The following PITPNC1 variants were observed in gnomAD, a reference collection of about 807,000 sequenced individuals.
The protein encoded by PITPNC1 is cytoplasmic phosphatidylinositol transfer protein 1.
A neutral mutation model predicts 44.7 loss-of-function variants in PITPNC1; 18 were observed. That is an observed-to-expected ratio of 0.40 (90% CI 0.28 to 0.60). The LOEUF (loss-of-function observed/expected upper bound fraction) is 0.60, where lower values mean the gene tolerates loss of function less well. Among genes scored for constraint, PITPNC1 ranks in the 20% least tolerant of loss-of-function variants. The pLI is 0.39. For missense variants in PITPNC1, 290 were observed against 418.4 expected, an observed-to-expected ratio of 0.69 and a Z score of 2.68; for synonymous variants, 141 against 149.6, an observed-to-expected ratio of 0.94 and a Z score of 0.42.
chr17:67,514,200 T>C (rs1193976127), intron 1 of PITPNC1, among the ~76,000 whole-genome samples: 1 of 151,922 alleles, frequency 6.6e-6, no homozygotes, highest in Non-Finnish European at 1.5e-5. Context: ...TTTTTGTTTT[T>C]GTTTTTGTTT....
intron 1 of PITPNC1, among the ~76,000 whole-genome samples, chr17:67,484,609 A>G (rs1219825138): frequency 6.6e-6 from 1 of 152,150 alleles, no homozygotes; most frequent in Non-Finnish European, 1.5e-5. Context: ...GAAAATATTT[A>G]TCCAATCCCC....
intron 6 of PITPNC1, among the ~76,000 whole-genome samples, chr17:67,666,524 C>G (rs1478432151): frequency 6.6e-6 from 1 of 152,196 alleles, no homozygotes; most frequent in Non-Finnish European, 1.5e-5. Flanking sequence ...CATCAAAGGC[C>G]TTGTACCTCC....
intron 5 of PITPNC1, among the ~76,000 whole-genome samples, chr17:67,599,001 CATATATATATATATATATATAT>C (rs1172990089): frequency 8.9e-5 from 4 of 45,154 alleles, no homozygotes; most frequent in African/African-American, 2.1e-4. Flanking sequence ...ATAAGAAATA[CATATATATATATATATATATAT>C]ATATATATAT....
intron 1 of PITPNC1, among the ~76,000 whole-genome samples, chr17:67,466,032 CCT>C (rs1417920116): frequency 1.3e-5 from 2 of 151,402 alleles, no homozygotes; most frequent in African/African-American, 2.4e-5. Context: ...ACAGAGTCTC[CCT>C]CTGTCACCCA....
chr17:67,435,108 CAAAAAAAAA>C (rs555005702), intron 1 of PITPNC1, among the ~76,000 whole-genome samples: 1 of 76,678 alleles, frequency 1.3e-5, no homozygotes, highest in African/African-American at 4.6e-5. Context: ...GACTCCATCT[CAAAAAAAAA>C]AAAAAAAAAA....
intron 1 of PITPNC1, among the ~76,000 whole-genome samples, chr17:67,435,361 T>C (rs1456544098): frequency 6.6e-6 from 1 of 152,174 alleles, no homozygotes. Context: ...CCGGGGCCAT[T>C]GTAGGCATTT....
chr17:67,406,088 ATT>A (rs1389482716), intron 1 of PITPNC1, among the ~76,000 whole-genome samples: 1 of 152,146 alleles, frequency 6.6e-6, no homozygotes, highest in Non-Finnish European at 1.5e-5. Flanking sequence ...TTTTTAGTAT[ATT>A]CTTAAGGTTA....
At chr17:67,461,946 C>A (rs2039343842) in intron 1 of PITPNC1, among the ~76,000 whole-genome samples, 1 of 152,182 alleles carries the variant, frequency 6.6e-6, no homozygotes, top group Non-Finnish European at 1.5e-5. Context: ...AACTATGGAG[C>A]TCCACAGCCA....
At chr17:67,551,877 C>G (rs2040768554) in intron 2 of PITPNC1, among the ~76,000 whole-genome samples, 1 of 152,166 alleles carries the variant, frequency 6.6e-6, no homozygotes. Context: ...AGCTTCCTCT[C>G]CCTGCCAGTG....
At chr17:67,641,102 G>A (rs139725972) in intron 6 of PITPNC1, among the ~76,000 whole-genome samples, 11 of 152,302 alleles carry the variant, frequency 7.2e-5, no homozygotes, top group Non-Finnish European at 1.5e-4. Context: ...AGTCATGTGT[G>A]ATCTACTTTC....
At position 67,676,095 on chromosome 17, in the gene PITPNC1, T is replaced by C. The variant is rs1336593327; in HGVS notation, c.682+553T>C. 6.6e-6 allele frequency among the ~76,000 whole-genome samples: 1 copy of C among 151,726 alleles called. No individual in the cohort carries two copies. The highest frequency in any genetic ancestry group is 1.5e-5 in the Non-Finnish European group (1 of 68,002). The stretch of plus-strand genomic sequence containing the variant: ...GGTGGCAGGCACCTGTAGTCCCAGC[T>C]ACTCAGGAGGCTGAGGCAGGAGAAT... On this transcript the variant is annotated intron_variant, in intron 8 of 8. Transcript: ENST00000581322. This position sits in a 1 kb window ranked among gnomAD's most constrained non-coding sequence, Gnocchi z 4.0.
intron 6 of PITPNC1, among the ~76,000 whole-genome samples, chr17:67,662,930 A>C (rs2144389512): frequency 6.6e-6 from 1 of 152,276 alleles, no homozygotes; most frequent in East Asian, 1.9e-4. Context: ...ATGGCTGTGT[A>C]GTATTCCATG....
intron 1 of PITPNC1, among the ~76,000 whole-genome samples, chr17:67,439,115 T>C (rs1023833647): frequency 6.6e-6 from 1 of 152,210 alleles, no homozygotes; most frequent in Non-Finnish European, 1.5e-5. Flanking sequence ...AGGTGTTTCT[T>C]TAATTCAGCC....
At chr17:67,583,643 C>T (rs903563313) in intron 5 of PITPNC1, among the ~76,000 whole-genome samples, 8 of 150,730 alleles carry the variant, frequency 5.3e-5, no homozygotes, top group Admixed American at 2.0e-4. Flanking sequence ...TGCTGCTGTC[C>T]CAGCCCTGGG....
rs1221840410 is a variant in PITPNC1 at position 67,490,817 on chromosome 17, G to A, written c.49-41985G>A. Among the ~76,000 whole-genome samples the A allele has an allele frequency of 5.9e-5, 9 of 152,158 alleles. No homozygotes were observed. In the East Asian group the frequency reaches 1.2e-3, roughly 20 times the overall value. On this transcript the variant is annotated intron_variant, in intron 1 of 8. Coordinates refer to ENST00000581322, the MANE Select transcript of PITPNC1 (RefSeq NM_012417.4). ...TGAACGTCAGCGCCTCTGTCCCCAC[G>A]AAAATAGTAACTTCCCTGACACCAT...
At chr17:67,464,857 A>G (rs1292502785) in intron 1 of PITPNC1, among the ~76,000 whole-genome samples, 2 of 151,862 alleles carry the variant, frequency 1.3e-5, no homozygotes, top group Middle Eastern at 3.4e-3. Flanking sequence ...CTCCTGTCTC[A>G]GCCTCCTGAG....
At chr17:67,381,400 G>A (rs1271287448) in intron 1 of PITPNC1, among the ~76,000 whole-genome samples, 1 of 134,710 alleles carries the variant, frequency 7.4e-6, no homozygotes, top group African/African-American at 2.8e-5. Context: ...CCTAACTTTT[G>A]CTTCCACTCT....
intron 1 of PITPNC1, among the ~76,000 whole-genome samples, chr17:67,466,420 A>G (rs1021109080): frequency 2.6e-5 from 4 of 152,286 alleles, no homozygotes; most frequent in Non-Finnish European, 4.4e-5. Flanking sequence ...AACGCAATTT[A>G]CAAACAAGGG....
intron 8 of PITPNC1, among the ~76,000 whole-genome samples, chr17:67,675,777 A>G (rs1040925149): frequency 2.0e-5 from 3 of 152,348 alleles, no homozygotes; most frequent in East Asian, 3.9e-4. Context: ...TGATGCTTAC[A>G]TAGTTGATAC....
Sources: gnomAD v4.1 joint callset for allele counts (sites outside exome capture counted in the v4.1 genomes callset) on GRCh38, gnomAD v4.1.1 for gene constraint, Gnocchi (gnomAD v3.1) non-coding constraint, MANE v1.5 for transcripts, NCBI Gene and HGNC (gene_info 2026-07-23, HGNC 2026-07-21) for gene names.